Variants in TBC1D10C observed in about 807,000 individuals in gnomAD.
TBC1D10C encodes the protein TBC1 domain family member 10C.
A neutral mutation model predicts 51.0 loss-of-function variants in TBC1D10C; 49 were observed. That is an observed-to-expected ratio of 0.96 (90% CI 0.76 to 1.22). The LOEUF (loss-of-function observed/expected upper bound fraction) is 1.22. Ranked by LOEUF, TBC1D10C falls within the 50% of genes most tolerant of loss-of-function variation. The probability of loss-of-function intolerance (pLI) is 0.00; values close to 1 mark genes in which losing one functional copy is unlikely to be tolerated. For missense variants in TBC1D10C, 541 were observed against 617.5 expected (o/e 0.88, Z 1.31); for synonymous variants, 281 against 266.7 (o/e 1.05, Z -0.52).
intron 7 of TBC1D10C, chr11:67,407,237 G>T (rs1375394657): frequency 5.2e-6 from 3 of 579,558 alleles, no homozygotes; most frequent in Non-Finnish European, 9.0e-6. Context: ...AGATGGGGCA[G>T]GAGCAGGGTG....
In TBC1D10C at chr11:67,409,368, T is replaced by C. The variant is rs978291138; in HGVS notation, c.994-39T>C. On this transcript the variant is annotated intron_variant, in intron 8 of 8. Coordinates refer to ENST00000542590, the MANE Select transcript of TBC1D10C (RefSeq NM_001369496.1). ...GACCTCACAGTTTCCTGTTCCTGCC[T>C]TGAGGCCGGGCAAACGCAGCACCAA... 1.7e-5 allele frequency: 26 copies of C among 1,534,336 alleles called. No individual in the cohort carries two copies. The Admixed American group carries it at 4.8e-4, about 28-fold the overall frequency.
At chr11:67,405,275 C>T (rs2135017831) in intron 2 of TBC1D10C, 91 bp downstream of exon 2, 1 of 1,497,310 alleles carries the variant, frequency 6.7e-7, no homozygotes, top group Non-Finnish European at 9.1e-7. Flanking sequence ...CCCTGTGTCC[C>T]AGCACCTCCG....
intron 8 of TBC1D10C, 131 bp downstream of exon 8, chr11:67,409,264 C>T: frequency 7.2e-7 from 1 of 1,398,158 alleles, no homozygotes; most frequent in Non-Finnish European, 9.5e-7. Flanking sequence ...AACACAAAAA[C>T]CTGAGGCCTC....
At chr11:67,407,052 T>C (rs1565127767) in intron 7 of TBC1D10C, 36 bp downstream of exon 7, 2 of 1,584,388 alleles carry the variant, frequency 1.3e-6, no homozygotes, top group South Asian at 2.3e-5. Context: ...GCAGGAGCCT[T>C]GGGGTGTGGG....
In TBC1D10C at chr11:67,409,827, C is replaced by T. The variant is rs1863380049; in HGVS notation, c.*73C>T. On this transcript the variant is annotated 3_prime_UTR_variant, in exon 9 of 9. Coordinates refer to ENST00000542590, the MANE Select transcript of TBC1D10C (RefSeq NM_001369496.1). ...ATGCCGGCCCGGCAAATAGGCACCG[C>T]ACTTTACTCTTGGGACTCGGGGACT... The T allele has an allele frequency of 7.6e-7, 1 of 1,323,086 alleles. No individual in the cohort carries two copies. Among genetic ancestry groups the T allele is most frequent in the Admixed American group, 2.4e-5 (1 of 41,666 alleles). 82.0% of individuals were successfully genotyped at this position (1,323,086 alleles called of 1,614,324 possible).
At position 67,409,024 on chromosome 11, in the gene TBC1D10C, C is replaced by T. The variant is rs767141479; in HGVS notation, c.884C>T (p.Ala295Val). The T allele has an allele frequency of 1.2e-4, 184 of 1,577,992 alleles. No homozygotes were observed. Among genetic ancestry groups the T allele is most frequent in the Non-Finnish European group, 1.4e-4 (168 of 1,163,634 alleles). ...FRVGLTLVRLALGTAEQRGAC... is the reference protein window; with the variant it reads ...FRVGLTLVRLVLGTAEQRGAC... ...GTGGGGCTGACACTGGTGCGCCTGG[C>T]GCTGGGCACTGCAGAGCAGCGAGGG... Residue 295 changes from alanine (A) to valine (V), a missense_variant, in exon 8 of 9, where the codon GCG becomes GTG. Transcript: ENST00000542590.
At chr11:67,406,285 T>C (rs1281865324) in intron 5 of TBC1D10C, 2 of 511,506 alleles carry the variant, frequency 3.9e-6, no homozygotes, top group Non-Finnish European at 6.9e-6. Flanking sequence ...ATTCTGAACT[T>C]GGGGACTGCG....
Position 67,404,961 on chromosome 11 carries a change from C to T in TBC1D10C, c.153-124C>T, listed in dbSNP as rs954576188. On this transcript the variant is annotated intron_variant, in intron 1 of 8. Transcript: ENST00000542590. ...GGCAGCTCCTGGGTCACAGGTCACCCCACAGGGCTCCCAGAGATCCCTAGG... is the reference window on the plus strand; with the variant it reads ...GGCAGCTCCTGGGTCACAGGTCACCTCACAGGGCTCCCAGAGATCCCTAGG... 2.0e-5 allele frequency: 17 copies of T among 850,706 alleles called. No homozygotes were observed. The Admixed American group carries it at 2.2e-4, about 11-fold the overall frequency. The allele number at this position is 850,706 out of a possible 1,614,324, so 52.7% of individuals were successfully genotyped here. A position where few individuals can be genotyped will look rare whatever the true frequency, so the allele number is the denominator to read the frequency against.
intron 7 of TBC1D10C, chr11:67,407,298 T>G: frequency 5.3e-6 from 2 of 375,352 alleles, no homozygotes; most frequent in Non-Finnish European, 9.6e-6. Context: ...GAGGCGTTCC[T>G]CCCCAGAGCC....
In TBC1D10C at chr11:67,409,892, G is replaced by C; in HGVS notation, c.*138G>C. ...GCAAGGACCAGGCAGTGGGGAAGGA[G>C]GAGGTCCTCCGTGGTACATACTGGG... On this transcript the variant is annotated 3_prime_UTR_variant, in exon 9 of 9. Transcript: ENST00000542590. 1.3e-6 allele frequency: 1 copy of C among 750,188 alleles called. No homozygotes were observed. The highest frequency in any genetic ancestry group is 2.7e-5 in the East Asian group (1 of 36,656). The allele number at this position is 750,188 out of a possible 1,614,324, so 46.5% of individuals were successfully genotyped here. A position where few individuals can be genotyped will look rare whatever the true frequency, so the allele number is the denominator to read the frequency against.
Position 67,406,938 on chromosome 11 carries a change from G to T in TBC1D10C, c.760G>T (p.Glu254Ter). Residue 254 changes from glutamate to a stop codon, truncating the protein, a stop_gained, in exon 7 of 9, where the codon GAG (glutamate) becomes TAG (stop). Coordinates refer to ENST00000542590, the MANE Select transcript of TBC1D10C (RefSeq NM_001369496.1). LOFTEE classifies it high-confidence loss of function. ...CGTCGGACCCCTGCTGTACCTGCCC[G>T]AGTGGTTCCTGTGCCTCTTCGCCCG... is the stretch of plus-strand genomic sequence containing the variant. ...VGVGPLLYLPEWFLCLFARSL... is the reference protein window; with the variant it reads ...VGVGPLLYLP 1 of 1,613,126 alleles carries T rather than the reference G, an allele frequency of 6.2e-7. No individual in the cohort carries two copies.
Position 67,407,250 on chromosome 11 carries a change from C to T in TBC1D10C, c.838+234C>T, listed in dbSNP as rs1863212745. Reference sequence around the variant, plus strand: ...GCAGATGGGGCAGGAGCAGGGTGATCACAGCACATGGAGGCCTGAGCTTCT... The same window carrying T: ...GCAGATGGGGCAGGAGCAGGGTGATTACAGCACATGGAGGCCTGAGCTTCT... On this transcript the variant is annotated intron_variant, in intron 7 of 8. Transcript: ENST00000542590. 9 of 552,346 alleles carry T rather than the reference C, an allele frequency of 1.6e-5. No individual in the cohort carries two copies. The South Asian group carries it at 2.2e-4, about 13-fold the overall frequency. The allele number at this position is 552,346 out of a possible 1,614,324, so 34.2% of individuals were successfully genotyped here.
At position 67,409,932 on chromosome 11, in the gene TBC1D10C, G is replaced by A. The variant is rs887970826; in HGVS notation, c.*178G>A. ...TACATACTGGGTCAGGCACTAGCAT[G>A]GAGGAGGGTCACAGAGTGGGGCACG... is the stretch of plus-strand genomic sequence containing the variant. On this transcript the variant is annotated 3_prime_UTR_variant, in exon 9 of 9. Transcript: ENST00000542590. 1.6e-6 allele frequency: 1 copy of A among 609,802 alleles called. No homozygotes were observed. The highest frequency in any genetic ancestry group is 2.8e-6 in the Non-Finnish European group (1 of 357,388). 37.8% of individuals were successfully genotyped at this position (609,802 alleles called of 1,614,324 possible).
chr11:67,409,718 A>G lies in TBC1D10C; in HGVS notation c.1305A>G (p.Gln435=), dbSNP rs1349739665. The change falls in exon 9 of 9, where the codon CAA becomes CAG. Residue 435 remains glutamine (Q), a synonymous_variant. Coordinates refer to ENST00000542590, the MANE Select transcript of TBC1D10C (RefSeq NM_001369496.1). The stretch of plus-strand genomic sequence containing the variant: ...CCATCGAGGGGCCCCCCAGGCCCCA[A>G]CGAGGCTCCACCTCCTTCCTGGACA... ...GPPIEGPPRP[Q]RGSTSFLDTR... The G allele has an allele frequency of 3.1e-6, 5 of 1,591,102 alleles. No individual in the cohort carries two copies. The highest frequency in any genetic ancestry group is 4.2e-6 in the Non-Finnish European group (5 of 1,177,140).
At chr11:67,405,018 A>G (rs1361568028) in intron 1 of TBC1D10C, 67 bp from the exon 2 acceptor site, 2 of 1,430,434 alleles carry the variant, frequency 1.4e-6, no homozygotes, top group African/African-American at 2.8e-5. Flanking sequence ...GGTAGCCTGG[A>G]GGGTGGCAGT....
Position 67,409,805 on chromosome 11 carries a change from C to A in TBC1D10C, c.*51C>A, listed in dbSNP as rs1237151198. The stretch of plus-strand genomic sequence containing the variant: ...AGTCTCAATTGCCTGATGGCTGATG[C>A]CGGCCCGGCAAATAGGCACCGCACT... On this transcript the variant is annotated 3_prime_UTR_variant, in exon 9 of 9. Transcript: ENST00000542590. 2.1e-6 allele frequency: 3 copies of A among 1,461,014 alleles called. No individual in the cohort carries two copies. Among genetic ancestry groups the A allele is most frequent in the Non-Finnish European group, 2.7e-6 (3 of 1,093,500 alleles). The allele number at this position is 1,461,014 out of a possible 1,614,324, so 90.5% of individuals were successfully genotyped here. A position where few individuals can be genotyped will look rare whatever the true frequency, so the allele number is the denominator to read the frequency against.
chr11:67,405,538 TACCCAGAGCCCCTC>T, intron 3 of TBC1D10C, 32 bp downstream of exon 3: 1 of 1,613,302 alleles, frequency 6.2e-7, no homozygotes, highest in Non-Finnish European at 8.5e-7. Flanking sequence ...CCAATTCCCC[TACCCAGAGCCCCTC>T]ACCACACTGA....
intron 7 of TBC1D10C, 103 bp from the exon 8 acceptor site, chr11:67,408,876 A>G: frequency 1.4e-6 from 2 of 1,393,670 alleles, no homozygotes; most frequent in South Asian, 1.5e-5. Context: ...CGGGGAGGGC[A>G]GAGCTGCAGG....
At position 67,409,405 on chromosome 11, in the gene TBC1D10C, A is replaced by G; in HGVS notation, c.994-2A>G. The G allele has an allele frequency of 6.5e-7, 1 of 1,547,944 alleles. No individual in the cohort carries two copies. Among genetic ancestry groups the G allele is most frequent in the Non-Finnish European group, 8.7e-7 (1 of 1,146,042 alleles). On this transcript the variant is annotated splice_acceptor_variant, in intron 8 of 8. Transcript: ENST00000542590. LOFTEE classifies it high-confidence loss of function. ...AAACGCAGCACCAACTGCTCCCCAC[A>G]GGTGCACAGCGTGGTGCTGTCAGAG...
Sources: allele counts gnomAD v4.1 joint callset, GRCh38; gene constraint gnomAD v4.1.1; transcripts MANE v1.5; gene names NCBI Gene and HGNC (gene_info 2026-07-23, HGNC 2026-07-21).